Variants in RPS6KA2 observed in about 807,000 individuals in gnomAD.
RPS6KA2 encodes ribosomal protein S6 kinase A2, also known as ribosomal protein S6 kinase alpha-2.
RPS6KA2 carries 42 observed loss-of-function variants against 91.8 expected under a neutral mutation model. The ratio of observed to expected loss-of-function variants is 0.46; its 90% CI spans 0.36 to 0.59. RPS6KA2 has a LOEUF of 0.59. Among genes scored for constraint, RPS6KA2 ranks in the 20% least tolerant of loss-of-function variants. The pLI is 0.00. For synonymous variants in RPS6KA2, 414 were observed against 393.6 expected (o/e 1.05, Z -0.61); for missense variants, 798 against 978.5 (o/e 0.82, Z 2.46).
chr6:166,469,813 C>T, intron 11 of RPS6KA2, 28 bp downstream of exon 11: 1 of 1,598,508 alleles, frequency 6.3e-7, no homozygotes, highest in Non-Finnish European at 8.6e-7. Flanking sequence ...CACGCGTGTG[C>T]AGGTGGGGAC....
intron 1 of RPS6KA2, among the ~76,000 whole-genome samples, chr6:166,625,599 C>G (rs1361652313): frequency 1.3e-5 from 2 of 152,090 alleles, no homozygotes; most frequent in Admixed American, 6.5e-5. Context: ...AAACAGGAAA[C>G]AAAGACATGT....
chr6:166,776,329 G>A (rs1163103221), intron 2 of RPS6KA2, among the ~76,000 whole-genome samples: 1 of 152,250 alleles, frequency 6.6e-6, no homozygotes, highest in African/African-American at 2.4e-5. Flanking sequence ...GGAAGAGAGA[G>A]AATGGAGTCC....
rs1779674054 is a variant in RPS6KA2 at position 166,446,212 on chromosome 6, A to G, written c.1332+2512T>C. Among the ~76,000 whole-genome samples the G allele has an allele frequency of 1.3e-5, 2 of 152,134 alleles. 1 individual carries two copies. Among genetic ancestry groups the G allele is most frequent in the South Asian group, 4.1e-4 (2 of 4,830 alleles). ...ACCGTGTCTACCTGCAGATAATTGA[A>G]CTTGTTGTCACCGCTCCCTTGACCG... is the stretch of plus-strand genomic sequence containing the variant. On this transcript the variant is annotated intron_variant, in intron 14 of 20. Coordinates refer to ENST00000265678, the MANE Select transcript of RPS6KA2 (RefSeq NM_021135.6).
At chr6:166,645,317 C>T (rs1036936952) in intron 2 of RPS6KA2, among the ~76,000 whole-genome samples, 2 of 152,226 alleles carry the variant, frequency 1.3e-5, no homozygotes, top group African/African-American at 2.4e-5. Context: ...GAATCAGAGG[C>T]ACAACGTTAG....
At chr6:166,530,656 C>T (rs76699043) in intron 3 of RPS6KA2, among the ~76,000 whole-genome samples, 5,805 of 152,316 alleles carry the variant, frequency 0.038, 215 homozygotes, top group Admixed American at 0.11. Context: ...AGAACAGATA[C>T]GGTAGGTGCC....
At chr6:166,787,481 T>C (rs1050752276) in intron 2 of RPS6KA2, among the ~76,000 whole-genome samples, 1 of 152,012 alleles carries the variant, frequency 6.6e-6, no homozygotes, top group African/African-American at 2.4e-5. Context: ...GGAGTACAGA[T>C]ATAGAAGTAG....
intron 2 of RPS6KA2, among the ~76,000 whole-genome samples, chr6:166,772,260 C>T (rs1479294423): frequency 6.6e-6 from 1 of 151,872 alleles, no homozygotes; most frequent in Non-Finnish European, 1.5e-5. Context: ...CCCAGCCCCC[C>T]CACCACTGGG....
At chr6:166,573,889 G>A (rs897854371) in intron 1 of RPS6KA2, among the ~76,000 whole-genome samples, 1 of 152,152 alleles carries the variant, frequency 6.6e-6, no homozygotes, top group Non-Finnish European at 1.5e-5. Context: ...AGCTCCTCAC[G>A]CATGTGAAGG....
At position 166,767,828 on chromosome 6, in the gene RPS6KA2, G is replaced by A. The variant is rs1044837532; in HGVS notation, c.123+90372C>T. Among the ~76,000 whole-genome samples, 5 of 150,184 alleles carry A rather than the reference G, an allele frequency of 3.3e-5. No homozygotes were observed. The highest frequency in any genetic ancestry group is 5.9e-5 in the Non-Finnish European group (4 of 67,790). On this transcript the variant is annotated intron_variant, in intron 2 of 21. Coordinates refer to the RPS6KA2 transcript ENST00000503859. The surrounding 1 kb of genome is among the most constrained non-coding windows in gnomAD (Gnocchi z 4.6). ...ACACACACACACACCCTGGTGTCAG[G>A]CAGCCGGCCACCACAGAGTGTGTGC...
At chr6:166,730,811 G>A (rs1790489351) in intron 2 of RPS6KA2, among the ~76,000 whole-genome samples, 1 of 152,142 alleles carries the variant, frequency 6.6e-6, no homozygotes, top group Admixed American at 6.5e-5. Context: ...CCCCAATCTG[G>A]GAAACTCATT....
At chr6:166,468,147 C>T (rs896076595) in intron 11 of RPS6KA2, among the ~76,000 whole-genome samples, 1 of 152,214 alleles carries the variant, frequency 6.6e-6, no homozygotes, top group African/African-American at 2.4e-5. Flanking sequence ...AACGCAGAGT[C>T]GAATGACAGT....
intron 1 of RPS6KA2, among the ~76,000 whole-genome samples, chr6:166,568,374 G>A: frequency 6.6e-6 from 1 of 152,098 alleles, no homozygotes; most frequent in East Asian, 1.9e-4. Context: ...AGCACTTTGG[G>A]AGGCTTAGGC....
In RPS6KA2 at chr6:166,627,201, G is replaced by C. The variant is rs1786922513; in HGVS notation, c.-182C>G. ...AGGGCAGGCCGCGCCGGCCACCGCG[G>C]CCGGGGCCACAATCGCTCCCTCCGC... is the stretch of plus-strand genomic sequence containing the variant. On this transcript the variant is annotated 5_prime_UTR_variant, in exon 1 of 21. Coordinates refer to ENST00000265678, the MANE Select transcript of RPS6KA2 (RefSeq NM_021135.6). 1 of 1,041,052 alleles carries C rather than the reference G, an allele frequency of 9.6e-7. No homozygotes were observed. 64.5% of individuals were successfully genotyped at this position (1,041,052 alleles called of 1,614,324 possible). A position where few individuals can be genotyped will look rare whatever the true frequency, so the allele number is the denominator to read the frequency against.
intron 2 of RPS6KA2, among the ~76,000 whole-genome samples, chr6:166,650,756 C>A (rs776623955): frequency 4.6e-5 from 7 of 152,170 alleles, no homozygotes; most frequent in Non-Finnish European, 8.8e-5. Flanking sequence ...TGTCTCCAGT[C>A]CTGGCTGAAA....
rs1279699668 is a variant in RPS6KA2 at position 166,603,660 on chromosome 6, A to T, written c.99+23261T>A. On this transcript the variant is annotated intron_variant, in intron 1 of 20. Coordinates refer to ENST00000265678, the MANE Select transcript of RPS6KA2 (RefSeq NM_021135.6). The surrounding 1 kb of genome is among the most constrained non-coding windows in gnomAD (Gnocchi z 4.3). ...ACCTGTCATTGGGAGGGCATCGTGA[A>T]CATGGCTGGCACATTCCGGGTGATC... 6.6e-6 allele frequency among the ~76,000 whole-genome samples: 1 copy of T among 152,224 alleles called. No individual in the cohort carries two copies. The highest frequency in any genetic ancestry group is 1.5e-5 in the Non-Finnish European group (1 of 68,044).
intron 2 of RPS6KA2, among the ~76,000 whole-genome samples, chr6:166,532,063 A>C (rs1036828510): frequency 6.6e-6 from 1 of 152,216 alleles, no homozygotes. Context: ...ATCTGCTTGC[A>C]TGATGGAGAT....
intron 2 of RPS6KA2, among the ~76,000 whole-genome samples, chr6:166,776,581 C>T (rs1169849238): frequency 6.6e-6 from 1 of 152,200 alleles, no homozygotes; most frequent in Non-Finnish European, 1.5e-5. Flanking sequence ...TCTGCCCTCC[C>T]AGTCCCTGGC....
chr6:166,822,767 T>C (rs893132856), intron 2 of RPS6KA2, among the ~76,000 whole-genome samples: 2 of 151,254 alleles, frequency 1.3e-5, no homozygotes, highest in Non-Finnish European at 1.5e-5. Context: ...GCCTCACACA[T>C]AGGGGCTCAG....
At chr6:166,703,879 T>G (rs1356463163) in intron 2 of RPS6KA2, among the ~76,000 whole-genome samples, 2 of 152,250 alleles carry the variant, frequency 1.3e-5, no homozygotes, top group South Asian at 4.1e-4. Context: ...TGGAAAAAAT[T>G]ATAGAAATAT....
Sources: allele counts gnomAD v4.1 joint callset (sites outside exome capture counted in the v4.1 genomes callset), GRCh38; gene constraint gnomAD v4.1.1; non-coding constraint Gnocchi (gnomAD v3.1); transcripts MANE v1.5; gene names NCBI Gene and HGNC (gene_info 2026-07-23, HGNC 2026-07-21).